KANK1: variants seen among roughly 807,000 people sequenced by gnomAD.
The protein encoded by KANK1 is KN motif and ankyrin repeat domains 1.
A neutral mutation model predicts 106.2 loss-of-function variants in KANK1; 109 were observed. The observed-to-expected ratio is 1.03, with a 90% confidence interval of 0.88 to 1.20. The LOEUF (loss-of-function observed/expected upper bound fraction) is 1.20. Ranked by LOEUF, KANK1 falls within the 50% of genes most tolerant of loss-of-function variation. The pLI is 0.00. For synonymous variants in KANK1, 873 were observed against 652.2 expected, an observed-to-expected ratio of 1.34 and a Z score of -5.16; for missense variants, 2,399 against 1,710.7, an observed-to-expected ratio of 1.40 and a Z score of -7.10.
At chr9:511,396 G>A (rs192934374) in intron 1 of KANK1, among the ~76,000 whole-genome samples, 2 of 152,290 alleles carry the variant, frequency 1.3e-5, no homozygotes, top group African/African-American at 2.4e-5. Flanking sequence ...GTAGGTGTAG[G>A]CCCAGGCTGG....
intron 2 of KANK1, among the ~76,000 whole-genome samples, chr9:703,185 T>A (rs1051522453): frequency 2.6e-5 from 4 of 152,014 alleles, no homozygotes; most frequent in Non-Finnish European, 5.9e-5. Context: ...AGAGACAGGG[T>A]TTCACCATGT....
chr9:552,770 T>C (rs1339140320), intron 1 of KANK1, among the ~76,000 whole-genome samples: 1 of 152,216 alleles, frequency 6.6e-6, no homozygotes, highest in Non-Finnish European at 1.5e-5. Flanking sequence ...TTGATCAGGG[T>C]GCTTGTGGTT....
upstream of KANK1, among the ~76,000 whole-genome samples, chr9:504,051 C>G (rs1295673411): frequency 1.3e-5 from 2 of 152,146 alleles, no homozygotes; most frequent in Admixed American, 6.5e-5. Context: ...CCGGGGCGAC[C>G]GTGCTGACGA....
rs773349491 is a variant in KANK1 at position 734,745 on chromosome 9, C to T, written c.3246-3C>T. The T allele has an allele frequency of 1.3e-6, 2 of 1,591,026 alleles. No homozygotes were observed. Among genetic ancestry groups the T allele is most frequent in the South Asian group, 2.2e-5 (2 of 90,478 alleles). ...AATCGTAACTTGTTTTTTCTCCTTT[C>T]AGGTATGAATTAAGTGAAAAGATGT... is the stretch of plus-strand genomic sequence containing the variant. On this transcript the variant is annotated splice_region_variant and splice_polypyrimidine_tract_variant and intron_variant, in intron 6 of 11. Transcript: ENST00000382297.
chr9:498,244 T>TA (rs1290414683), intron 3 of KANK1, among the ~76,000 whole-genome samples: 1 of 152,228 alleles, frequency 6.6e-6, no homozygotes, highest in Non-Finnish European at 1.5e-5. Context: ...ATTTAGCAGA[T>TA]AACTAATTGC....
In KANK1 at chr9:697,967, A is replaced by G. The variant is rs141212883; in HGVS notation, c.38-12837A>G. 2.8e-3 allele frequency among the ~76,000 whole-genome samples: 420 copies of G among 152,294 alleles called. 3 individuals are homozygous for G. The highest frequency in any genetic ancestry group is 3.7e-3 in the Non-Finnish European group (254 of 68,034). On this transcript the variant is annotated intron_variant, in intron 2 of 11. Coordinates refer to ENST00000382297, the MANE Select transcript of KANK1 (RefSeq NM_015158.5). ...AACAAGATCTGTGGTAGGCAGGCCA[A>G]CAGTAACACTCGGGACCCTAGAGGC...
chr9:544,605 A>T (rs1374297078), intron 1 of KANK1, among the ~76,000 whole-genome samples: 3 of 152,178 alleles, frequency 2.0e-5, no homozygotes, highest in Admixed American at 2.0e-4. Flanking sequence ...CCAGACAGAT[A>T]TGCAGAGTAA....
intron 3 of KANK1, among the ~76,000 whole-genome samples, chr9:492,894 C>G (rs914384130): frequency 2.0e-5 from 3 of 151,816 alleles, no homozygotes; most frequent in Admixed American, 6.6e-5. Flanking sequence ...CGTGGTGACC[C>G]TTACCTGTAA....
At chr9:557,337 A>T (rs1391361169) in intron 1 of KANK1, among the ~76,000 whole-genome samples, 1 of 152,226 alleles carries the variant, frequency 6.6e-6, no homozygotes, top group Non-Finnish European at 1.5e-5. Context: ...GGCTGGCAAA[A>T]TATGTATCAT....
intron 1 of KANK1, among the ~76,000 whole-genome samples, chr9:669,769 T>A (rs1304829277): frequency 6.6e-6 from 1 of 152,188 alleles, no homozygotes; most frequent in Non-Finnish European, 1.5e-5. Context: ...ATTTTTCTCA[T>A]ATTTTGGAAA....
Position 601,320 on chromosome 9 carries a change from C to T in KANK1, c.-83-75570C>T, listed in dbSNP as rs549904573. Among the ~76,000 whole-genome samples the T allele has an allele frequency of 2.6e-4, 39 of 151,874 alleles. 3 individuals are homozygous for T. The highest frequency in any genetic ancestry group is 1.2e-3 in the East Asian group (6 of 5,190). ...CTTACTAGCATTCTATCCAGTTTTCCGCTATCCTTTCTTTATGTTCCATGA... is the reference window on the plus strand; with the variant it reads ...CTTACTAGCATTCTATCCAGTTTTCTGCTATCCTTTCTTTATGTTCCATGA... On this transcript the variant is annotated intron_variant, in intron 1 of 11. Coordinates refer to ENST00000382297, the MANE Select transcript of KANK1 (RefSeq NM_015158.5).
At chr9:559,840 G>A (rs546073298) in intron 1 of KANK1, among the ~76,000 whole-genome samples, 1 of 152,260 alleles carries the variant, frequency 6.6e-6, no homozygotes, top group East Asian at 1.9e-4. Context: ...TCTTATCTTT[G>A]TTATGCCCCT....
At chr9:565,372 G>T (rs1355529359) in intron 1 of KANK1, among the ~76,000 whole-genome samples, 1 of 152,200 alleles carries the variant, frequency 6.6e-6, no homozygotes, top group African/African-American at 2.4e-5. Flanking sequence ...AGTAGTTTAA[G>T]GATGTCTTCT....
At chr9:582,901 T>C (rs1018024358) in intron 1 of KANK1, among the ~76,000 whole-genome samples, 9 of 152,260 alleles carry the variant, frequency 5.9e-5, no homozygotes, top group African/African-American at 1.9e-4. Context: ...GAACCTTTAA[T>C]GTATTTGTAA....
At chr9:519,145 C>A (rs2059435743) in intron 1 of KANK1, among the ~76,000 whole-genome samples, 1 of 151,692 alleles carries the variant, frequency 6.6e-6, no homozygotes, top group Admixed American at 6.5e-5. Context: ...CTGCCTCGGC[C>A]TCCCAAAGTG....
chr9:554,570 A>G (rs1033914529), intron 1 of KANK1, among the ~76,000 whole-genome samples: 1 of 152,232 alleles, frequency 6.6e-6, no homozygotes, highest in Admixed American at 6.5e-5. Flanking sequence ...AAAATAGAAA[A>G]TATTATTTCT....
intron 1 of KANK1, among the ~76,000 whole-genome samples, chr9:508,432 CAGCCTGTAGCTAT>C (rs2058874775): frequency 6.6e-6 from 1 of 152,166 alleles, no homozygotes; most frequent in Admixed American, 6.5e-5. Context: ...CCACTGTGCC[CAGCCTGTAGCTAT>C]ACATCTTAAG....
rs1837029390 is a variant in KANK1 at position 745,830 on chromosome 9, G to C, written c.*595G>C. On this transcript the variant is annotated 3_prime_UTR_variant, in exon 12 of 12. Transcript: ENST00000382297. ...ATAAAAAGGGTATCTATATGAACTTGACACAGTATTTTCAGCTTTTGTATT... is the reference window on the plus strand; with the variant it reads ...ATAAAAAGGGTATCTATATGAACTTCACACAGTATTTTCAGCTTTTGTATT... The C allele has an allele frequency of 6.6e-6, 1 of 152,586 alleles. No individual in the cohort carries two copies. Among genetic ancestry groups the C allele is most frequent in the Non-Finnish European group, 1.5e-5 (1 of 68,026 alleles). 9.5% of individuals were successfully genotyped at this position (152,586 alleles called of 1,614,324 possible). A position where few individuals can be genotyped will look rare whatever the true frequency, so the allele number is the denominator to read the frequency against.
chr9:745,279 C>CTAAT lies in KANK1; in HGVS notation c.*46_*49dup. 1 of 1,610,834 alleles carries CTAAT rather than the reference C, an allele frequency of 6.2e-7. No homozygotes were observed. The highest frequency in any genetic ancestry group is 8.5e-7 in the Non-Finnish European group (1 of 1,177,198). ...TTATTTACATGCCACTATTAAGCTG[C>CTAAT]TAATTGTTCCTGTTGGGGTGACAGA... On this transcript the variant is annotated 3_prime_UTR_variant, in exon 12 of 12. Coordinates refer to ENST00000382297, the MANE Select transcript of KANK1 (RefSeq NM_015158.5).
Sources: gnomAD v4.1 joint callset for allele counts (sites outside exome capture counted in the v4.1 genomes callset) on GRCh38, gnomAD v4.1.1 for gene constraint, MANE v1.5 for transcripts, NCBI Gene and HGNC (gene_info 2026-07-23, HGNC 2026-07-21) for gene names.